KCNK2: variants seen among roughly 807,000 people sequenced by gnomAD.
KCNK2 encodes the protein potassium two pore domain channel subfamily K member 2.
A neutral mutation model predicts 40.5 loss-of-function variants in KCNK2; 21 were observed. That is an observed-to-expected ratio of 0.52 (90% CI 0.37 to 0.75). The LOEUF (loss-of-function observed/expected upper bound fraction) is 0.75, where lower values mean the gene tolerates loss of function less well. Among genes scored for constraint, KCNK2 ranks in the 30% least tolerant of loss-of-function variants. The probability of loss-of-function intolerance (pLI) is 0.00; values close to 1 mark genes in which losing one functional copy is unlikely to be tolerated. For synonymous variants in KCNK2, 191 were observed against 202.2 expected, an observed-to-expected ratio of 0.94 and a Z score of 0.47; for missense variants, 399 against 531.6, an observed-to-expected ratio of 0.75 and a Z score of 2.45.
chr1:215,039,441 A>G (rs2102491434), intron 1 of KCNK2, among the ~76,000 whole-genome samples: 1 of 152,276 alleles, frequency 6.6e-6, no homozygotes, highest in South Asian at 2.1e-4. Flanking sequence ...AACCCCATCT[A>G]TAGTTATGTT....
chr1:215,062,295 A>G (rs927924402), intron 1 of KCNK2, among the ~76,000 whole-genome samples: 1 of 152,144 alleles, frequency 6.6e-6, no homozygotes, highest in African/African-American at 2.4e-5. Flanking sequence ...AAACAAAGGC[A>G]GTCAGTACTG....
intron 6 of KCNK2, among the ~76,000 whole-genome samples, chr1:215,233,940 C>T (rs531800313): frequency 1.3e-5 from 2 of 152,134 alleles, no homozygotes; most frequent in East Asian, 1.9e-4. Context: ...TCAGGGTGAT[C>T]GATGGCACTT....
intron 2 of KCNK2, among the ~76,000 whole-genome samples, chr1:215,112,482 G>A (rs1456317426): frequency 6.6e-6 from 1 of 152,090 alleles, no homozygotes; most frequent in Non-Finnish European, 1.5e-5. Flanking sequence ...TTTATAAAGT[G>A]AAAAATTTAC....
At chr1:215,008,759 A>G (rs1656275944) in intron 1 of KCNK2, among the ~76,000 whole-genome samples, 1 of 152,158 alleles carries the variant, frequency 6.6e-6, no homozygotes, top group Non-Finnish European at 1.5e-5. Flanking sequence ...CAAAGTTGCA[A>G]CTCAATAGAA....
chr1:215,093,801 T>TATA (rs1553261644), intron 2 of KCNK2, among the ~76,000 whole-genome samples: 1 of 24,178 alleles, frequency 4.1e-5, no homozygotes, highest in East Asian at 1.7e-3. Flanking sequence ...TTATATAATA[T>TATA]AAAATATATT....
At chr1:215,209,962 T>TTA (rs1329246713) in intron 6 of KCNK2, among the ~76,000 whole-genome samples, 3 of 60,706 alleles carry the variant, frequency 4.9e-5, no homozygotes, top group Admixed American at 2.6e-4. Context: ...AAAATATATT[T>TTA]TATATATATT....
At chr1:215,068,212 C>G (rs549607118) in intron 1 of KCNK2, among the ~76,000 whole-genome samples, 3 of 152,038 alleles carry the variant, frequency 2.0e-5, no homozygotes, top group Non-Finnish European at 4.4e-5. Context: ...GTAATTCCTA[C>G]TATGTGTTAT....
intron 1 of KCNK2, among the ~76,000 whole-genome samples, chr1:215,068,069 C>A (rs1054435018): frequency 2.3e-5 from 3 of 129,800 alleles, no homozygotes; most frequent in Admixed American, 1.6e-4. Context: ...TTTTTAATTT[C>A]TTGGAAATGT....
intron 5 of KCNK2, among the ~76,000 whole-genome samples, chr1:215,172,473 G>A (rs1274651758): frequency 2.0e-5 from 3 of 152,024 alleles, no homozygotes; most frequent in Non-Finnish European, 2.9e-5. Flanking sequence ...GCTTGCAGCT[G>A]TATCACTCCC....
chr1:215,080,181 A>G (rs1195880547), upstream of KCNK2, among the ~76,000 whole-genome samples: 3 of 152,206 alleles, frequency 2.0e-5, no homozygotes, highest in Non-Finnish European at 2.9e-5. Flanking sequence ...GCAAGCATAT[A>G]TCAAAACATA....
intron 1 of KCNK2, among the ~76,000 whole-genome samples, chr1:215,038,665 C>G (rs1657464562): frequency 1.3e-5 from 2 of 152,052 alleles, no homozygotes; most frequent in Non-Finnish European, 2.9e-5. Flanking sequence ...ACTTCTAGAA[C>G]AGGGAAGCCT....
At chr1:215,211,791 A>T (rs1380828019) in intron 6 of KCNK2, among the ~76,000 whole-genome samples, 1 of 152,152 alleles carries the variant, frequency 6.6e-6, no homozygotes, top group African/African-American at 2.4e-5. Context: ...TTTCAATATT[A>T]ATATATCTAT....
intron 6 of KCNK2, among the ~76,000 whole-genome samples, chr1:215,225,225 T>C (rs1479603021): frequency 3.3e-5 from 5 of 151,730 alleles, no homozygotes; most frequent in Non-Finnish European, 5.9e-5. Context: ...AATCAGTTGG[T>C]AAAAATGCAA....
At chr1:215,041,007 T>C (rs994848033) in intron 1 of KCNK2, among the ~76,000 whole-genome samples, 1 of 152,156 alleles carries the variant, frequency 6.6e-6, no homozygotes, top group African/African-American at 2.4e-5. Context: ...AGGCTTCACT[T>C]CCTTTTAAGC....
chr1:215,203,075 GA>G (rs1665145503), intron 6 of KCNK2, among the ~76,000 whole-genome samples: 1 of 151,006 alleles, frequency 6.6e-6, no homozygotes, highest in African/African-American at 2.4e-5. Context: ...GGGTAATACT[GA>G]CTCATCAGAA....
At chr1:215,039,141 C>T (rs1430113572) in intron 1 of KCNK2, among the ~76,000 whole-genome samples, 1 of 152,022 alleles carries the variant, frequency 6.6e-6, no homozygotes, top group Admixed American at 6.6e-5. Flanking sequence ...TATAAGAATG[C>T]AAAATCAAAT....
chr1:215,078,258 T>C (rs1268688056), upstream of KCNK2, among the ~76,000 whole-genome samples: 1 of 152,208 alleles, frequency 6.6e-6, no homozygotes, highest in Non-Finnish European at 1.5e-5. Flanking sequence ...TTGGAATTCA[T>C]TGGTGTTCTT....
intron 2 of KCNK2, 29 bp from the exon 3 acceptor site, chr1:215,124,604 T>C: frequency 7.8e-7 from 1 of 1,275,144 alleles, no homozygotes; most frequent in Non-Finnish European, 1.1e-6. Context: ...GATTCATGTG[T>C]ACTGATAAAT....
chr1:215,178,079 G>T (rs1176661176), intron 5 of KCNK2, among the ~76,000 whole-genome samples: 3 of 151,826 alleles, frequency 2.0e-5, no homozygotes, highest in Admixed American at 1.3e-4. Flanking sequence ...TTCTTGTAGA[G>T]ATCCTTCACT....
Sources: allele counts gnomAD v4.1 joint callset (sites outside exome capture counted in the v4.1 genomes callset), GRCh38; gene constraint gnomAD v4.1.1; transcripts MANE v1.5; gene names NCBI Gene and HGNC (gene_info 2026-07-23, HGNC 2026-07-21).